CHL1: variants seen among roughly 807,000 people sequenced by gnomAD.
CHL1 encodes the protein cell adhesion molecule L1 like.
In CHL1, 96 loss-of-function variants were observed where a neutral mutation model predicts 141.9. That is an observed-to-expected ratio of 0.68 (90% CI 0.57 to 0.80). The LOEUF (loss-of-function observed/expected upper bound fraction) is 0.80. Among genes scored for constraint, CHL1 ranks in the 30% least tolerant of loss-of-function variants. CHL1 has a pLI of 0.00. For missense variants in CHL1, 1,820 were observed against 1,457.2 expected (o/e 1.25, Z -4.05); for synonymous variants, 613 against 502.2 (o/e 1.22, Z -2.95).
intron 2 of CHL1, among the ~76,000 whole-genome samples, chr3:265,978 G>C (rs999175885): frequency 5.3e-5 from 8 of 152,248 alleles, no homozygotes; most frequent in South Asian, 2.1e-4. Flanking sequence ...TTTGAAGCCA[G>C]TGGTGGTTCT....
chr3:337,201 T>A (rs954909504), intron 5 of CHL1, among the ~76,000 whole-genome samples: 2 of 146,676 alleles, frequency 1.4e-5, no homozygotes, highest in African/African-American at 5.0e-5. Flanking sequence ...GTTTTTTTTT[T>A]TTTTTTTGAG....
intron 2 of CHL1, among the ~76,000 whole-genome samples, chr3:287,536 A>C (rs1697272304): frequency 6.6e-6 from 1 of 152,168 alleles, no homozygotes; most frequent in Admixed American, 6.5e-5. Flanking sequence ...ATAATCTTAG[A>C]ATCCATCCTA....
chr3:270,370 A>T (rs190344444), intron 2 of CHL1, among the ~76,000 whole-genome samples: 1 of 152,276 alleles, frequency 6.6e-6, no homozygotes, highest in Admixed American at 6.5e-5. Flanking sequence ...CTGAATTTAA[A>T]CCCTGGGACT....
chr3:377,666 A>G (rs1706505639), intron 15 of CHL1, 152 bp from the exon 16 acceptor site: 2 of 604,658 alleles, frequency 3.3e-6, no homozygotes, highest in African/African-American at 1.9e-5. Context: ...CCAGGTTTCA[A>G]CTGTGGCATT....
intron 1 of CHL1, among the ~76,000 whole-genome samples, chr3:230,468 C>G (rs1236122431): frequency 1.3e-5 from 2 of 151,640 alleles, no homozygotes; most frequent in Non-Finnish European, 2.9e-5. Flanking sequence ...TGTTTTGTGC[C>G]TTTTTTAAAC....
intron 2 of CHL1, among the ~76,000 whole-genome samples, chr3:256,736 G>A (rs563282613): frequency 5.3e-5 from 8 of 152,328 alleles, no homozygotes; most frequent in Admixed American, 3.3e-4. Flanking sequence ...TTGGGAACGA[G>A]GGGAGGATTC....
chr3:329,564 G>C (rs1575082187), intron 5 of CHL1, among the ~76,000 whole-genome samples: 1 of 150,804 alleles, frequency 6.6e-6, no homozygotes, highest in African/African-American at 2.4e-5. Flanking sequence ...GTTGATGCAG[G>C]GAAGAAAAAA....
intron 17 of CHL1, 93 bp from the exon 18 acceptor site, chr3:382,381 A>T (rs1052129861): frequency 5.5e-6 from 8 of 1,459,856 alleles, no homozygotes; most frequent in South Asian, 3.5e-5. Flanking sequence ...TTCTTATAAC[A>T]TCCTTTTGAA....
At chr3:396,528 C>T (rs570243058) in intron 24 of CHL1, among the ~76,000 whole-genome samples, 2 of 152,228 alleles carry the variant, frequency 1.3e-5, no homozygotes, top group Non-Finnish European at 2.9e-5. Context: ...TGGTTGCATT[C>T]GTGCTTGAGA....
intron 8 of CHL1, among the ~76,000 whole-genome samples, chr3:344,140 C>A (rs1481418408): frequency 6.6e-6 from 1 of 152,066 alleles, no homozygotes; most frequent in East Asian, 1.9e-4. Context: ...TCTACCACAG[C>A]CTTCCTCAGT....
rs73814179 is a variant in CHL1 at position 207,090 on chromosome 3, G to A, written c.-175+10027G>A. On this transcript the variant is annotated intron_variant, in intron 1 of 27. Coordinates refer to ENST00000256509, the MANE Select transcript of CHL1 (RefSeq NM_006614.4). The stretch of plus-strand genomic sequence containing the variant: ...AGATAAGGCTTTAGAAGAAAAAAAG[G>A]CAACTCTATTTCAGGCACAGCCAAT... Among the ~76,000 whole-genome samples the A allele has an allele frequency of 5.5e-3, 837 of 152,290 alleles. 4 individuals are homozygous for A. Among genetic ancestry groups the A allele is most frequent in the African/African-American group, 0.019 (785 of 41,568 alleles).
intron 9 of CHL1, among the ~76,000 whole-genome samples, chr3:348,043 C>T (rs539281777): frequency 9.9e-5 from 15 of 152,162 alleles, no homozygotes; most frequent in Admixed American, 6.5e-4. Flanking sequence ...TTGACACACA[C>T]GATTTCAAGG....
intron 2 of CHL1, among the ~76,000 whole-genome samples, chr3:287,903 C>T (rs1342633166): frequency 2.6e-5 from 4 of 151,732 alleles, no homozygotes; most frequent in Admixed American, 6.6e-5. Context: ...GTAGCTGGGA[C>T]TACAGGCGTG....
At chr3:238,705 ACC>A (rs1692233810) in intron 1 of CHL1, among the ~76,000 whole-genome samples, 2 of 151,774 alleles carry the variant, frequency 1.3e-5, no homozygotes, top group Non-Finnish European at 2.9e-5. Flanking sequence ...TGGGTGGATC[ACC>A]TGAGGTCAGG....
At chr3:245,474 C>A (rs1383941460) in intron 2 of CHL1, among the ~76,000 whole-genome samples, 1 of 151,926 alleles carries the variant, frequency 6.6e-6, no homozygotes, top group Non-Finnish European at 1.5e-5. Context: ...TCAGTAAGTG[C>A]CAATAATTAG....
At chr3:251,084 G>A (rs1693651899) in intron 2 of CHL1, among the ~76,000 whole-genome samples, 1 of 152,112 alleles carries the variant, frequency 6.6e-6, no homozygotes, top group African/African-American at 2.4e-5. Flanking sequence ...AGAATATGGT[G>A]ATTTGACCTG....
chr3:262,016 G>A (rs1381197112), intron 2 of CHL1, among the ~76,000 whole-genome samples: 17 of 56,292 alleles, frequency 3.0e-4, no homozygotes, highest in African/African-American at 1.0e-3. Flanking sequence ...ACACGTTTAA[G>A]CCTAGATCTA....
At chr3:375,794 T>C (rs1465041794) in intron 15 of CHL1, among the ~76,000 whole-genome samples, 2 of 152,146 alleles carry the variant, frequency 1.3e-5, no homozygotes, top group African/African-American at 4.8e-5. Context: ...TGAATTAGGC[T>C]CAATGTTTTG....
chr3:359,288 C>A (rs1441118558), intron 11 of CHL1, among the ~76,000 whole-genome samples: 1 of 151,604 alleles, frequency 6.6e-6, no homozygotes. Context: ...GTTAGGTATT[C>A]TTTTTTTTCT....
Sources: gnomAD v4.1 joint callset for allele counts (sites outside exome capture counted in the v4.1 genomes callset) on GRCh38, gnomAD v4.1.1 for gene constraint, MANE v1.5 for transcripts, NCBI Gene and HGNC (gene_info 2026-07-23, HGNC 2026-07-21) for gene names.